The following TOPAZ1 variants were observed in gnomAD, a reference collection of about 807,000 sequenced individuals.
TOPAZ1 encodes the protein protein TOPAZ1.
A neutral mutation model predicts 172.2 loss-of-function variants in TOPAZ1; 66 were observed. The ratio of observed to expected loss-of-function variants is 0.38; its 90% CI spans 0.31 to 0.47. The LOEUF (loss-of-function observed/expected upper bound fraction) is 0.47, where lower values mean the gene tolerates loss of function less well. TOPAZ1 is among the 20% of genes least tolerant of loss of function. The pLI, the probability that TOPAZ1 is intolerant of heterozygous loss-of-function variation, is 0.99. For synonymous variants in TOPAZ1, 681 were observed against 683.9 expected (o/e 1.00, Z 0.07); for missense variants, 1,822 against 1,972.4 (o/e 0.92, Z 1.44).
rs973123095 is a variant in TOPAZ1, at chr3:44,313,711, T to C, written c.4306+3721T>C. On this transcript the variant is annotated intron_variant, in intron 16 of 19. Transcript: ENST00000309765. ...TTCTATACAAACATGTCCTTTTAGG[T>C]ATCACAGGTGCAGATGTTAGTTAAC... is the stretch of plus-strand genomic sequence containing the variant. Among the ~76,000 whole-genome samples, 3 of 152,212 alleles carry C rather than the reference T, an allele frequency of 2.0e-5. No homozygotes were observed. The South Asian group carries it at 6.2e-4, about 32-fold the overall frequency.
chr3:44,307,906 G>A (rs1480559032), intron 15 of TOPAZ1, among the ~76,000 whole-genome samples: 1 of 152,094 alleles, frequency 6.6e-6, no homozygotes, highest in Non-Finnish European at 1.5e-5. Context: ...GCTTAAGGTT[G>A]GTCATAGCAT....
intron 12 of TOPAZ1, among the ~76,000 whole-genome samples, chr3:44,296,847 C>CAAAAAAAAAAAAAAAAAA (rs141080618): frequency 9.5e-6 from 1 of 104,776 alleles, no homozygotes; most frequent in Non-Finnish European, 1.8e-5. Flanking sequence ...CAGAGAATAC[C>CAAAAAAAAAAAAAAAAAA]AAAAAAAAAA....
chr3:44,305,412 C>G (rs1700325177), intron 14 of TOPAZ1, 91 bp downstream of exon 14: 3 of 1,165,348 alleles, frequency 2.6e-6, no homozygotes, highest in African/African-American at 3.2e-5. Flanking sequence ...CTTTGTTACC[C>G]AGGCTGGAGT....
intron 11 of TOPAZ1, among the ~76,000 whole-genome samples, chr3:44,288,974 C>G (rs1401070088): frequency 6.6e-6 from 1 of 152,104 alleles, no homozygotes; most frequent in African/African-American, 2.4e-5. Context: ...AGATGCTTTT[C>G]CTCCTCTTTA....
At chr3:44,329,660 G>T (rs1302246325) in intron 19 of TOPAZ1, among the ~76,000 whole-genome samples, 1 of 152,146 alleles carries the variant, frequency 6.6e-6, no homozygotes, top group Non-Finnish European at 1.5e-5. Context: ...TTCATTATTT[G>T]TGGTACACCA....
intron 9 of TOPAZ1, 110 bp downstream of exon 9, chr3:44,282,141 A>G: frequency 1.5e-6 from 1 of 676,706 alleles, no homozygotes; most frequent in South Asian, 2.2e-5. Flanking sequence ...CTTACCCAAG[A>G]GTAGCTCTGT....
chr3:44,313,840 C>CGGAA (rs1022132147), intron 16 of TOPAZ1, among the ~76,000 whole-genome samples: 2 of 152,050 alleles, frequency 1.3e-5, no homozygotes, highest in African/African-American at 4.8e-5. Context: ...CAGTACATTC[C>CGGAA]ATTCCAGGTC....
In TOPAZ1 at chr3:44,244,749, G is replaced by A. The variant is rs184690990; in HGVS notation, c.2243G>A (p.Arg748Gln). The A allele has an allele frequency of 8.9e-5, 138 of 1,551,496 alleles. 1 individual carries two copies. In the African/African-American group the frequency reaches 1.6e-3, roughly 18 times the overall value. Residue 748 changes from arginine (R) to glutamine (Q), a missense_variant, in exon 2 of 20, where the codon CGA becomes CAA. Arg to Gln is a conservative substitution (Grantham distance 43). Transcript: ENST00000309765. ...TTAGGACCTCAAACTTTGAGCATAC[G>A]AAATAGTGTAACTCCAGTGCAAGCT... ...MMLGPQTLSI[R>Q]NSVTPVQASS...
downstream of TOPAZ1, among the ~76,000 whole-genome samples, chr3:44,333,163 T>G (rs1227749483): frequency 1.3e-5 from 2 of 151,978 alleles, no homozygotes; most frequent in Non-Finnish European, 2.9e-5. Context: ...CAAAATATGG[T>G]AAATAGCAGC....
chr3:44,299,168 A>C (rs1454229123), intron 12 of TOPAZ1, among the ~76,000 whole-genome samples: 1 of 151,156 alleles, frequency 6.6e-6, no homozygotes, highest in Non-Finnish European at 1.5e-5. Flanking sequence ...TGATTCACCC[A>C]CCTCGGCCTC....
chr3:44,284,102 G>A (rs866962475), intron 9 of TOPAZ1, among the ~76,000 whole-genome samples: 3 of 141,980 alleles, frequency 2.1e-5, no homozygotes, highest in African/African-American at 5.0e-5. Flanking sequence ...GACATTTTGG[G>A]AGTATGTATG....
At chr3:44,248,767 A>T (rs1240673760) in intron 2 of TOPAZ1, among the ~76,000 whole-genome samples, 1 of 152,236 alleles carries the variant, frequency 6.6e-6, no homozygotes, top group Non-Finnish European at 1.5e-5. Context: ...TAAAAGTAGA[A>T]GATGAAAGGG....
At chr3:44,331,336 T>C (rs1439489198) in intron 19 of TOPAZ1, among the ~76,000 whole-genome samples, 1 of 3,670 alleles carries the variant, frequency 2.7e-4, no homozygotes, top group East Asian at 7.5e-3. Flanking sequence ...TAATATGTCT[T>C]TTTTTTTTGG....
rs565900571 is a variant in TOPAZ1, at chr3:44,300,190, T to G, written c.3798-3825T>G. Among the ~76,000 whole-genome samples, 11 of 152,152 alleles carry G rather than the reference T, an allele frequency of 7.2e-5. 1 individual carries two copies. In the South Asian group the frequency reaches 2.3e-3, roughly 32 times the overall value. ...GCTTACATCTGTAATCCCAGCACTTTGGGAGGCCGAGGTGGGCAGATCACT... is the reference window on the plus strand; with the variant it reads ...GCTTACATCTGTAATCCCAGCACTTGGGGAGGCCGAGGTGGGCAGATCACT... On this transcript the variant is annotated intron_variant, in intron 12 of 19. Transcript: ENST00000309765.
chr3:44,274,954 G>A (rs1255119972), intron 8 of TOPAZ1, among the ~76,000 whole-genome samples: 1 of 151,434 alleles, frequency 6.6e-6, no homozygotes, highest in Admixed American at 6.6e-5. Context: ...TATTTATGGG[G>A]TATATGTGAT....
intron 18 of TOPAZ1, 73 bp from the exon 19 acceptor site, chr3:44,328,177 G>GT: frequency 1.1e-6 from 1 of 889,866 alleles, no homozygotes; most frequent in Non-Finnish European, 1.6e-6. Context: ...ATTATCGCCT[G>GT]TAGGTATTTC....
chr3:44,253,288 A>G (rs748281741), intron 2 of TOPAZ1, among the ~76,000 whole-genome samples: 12 of 152,224 alleles, frequency 7.9e-5, no homozygotes, highest in Non-Finnish European at 1.3e-4. Context: ...ATTCATGGAA[A>G]GACTTTTAAA....
intron 16 of TOPAZ1, among the ~76,000 whole-genome samples, chr3:44,318,319 G>T (rs1559548085): frequency 3.3e-5 from 5 of 152,260 alleles, no homozygotes; most frequent in Admixed American, 3.3e-4. Flanking sequence ...GGGCGTGGTG[G>T]CAGGCACGTG....
At chr3:44,268,275 T>C (rs2125685559) in intron 6 of TOPAZ1, among the ~76,000 whole-genome samples, 1 of 152,114 alleles carries the variant, frequency 6.6e-6, no homozygotes, top group Non-Finnish European at 1.5e-5. Context: ...GCTCTCTTTC[T>C]GGCTTGCAGA....
Sources: allele counts gnomAD v4.1 joint callset (sites outside exome capture counted in the v4.1 genomes callset), GRCh38; gene constraint gnomAD v4.1.1; transcripts MANE v1.5; gene names NCBI Gene and HGNC (gene_info 2026-07-23, HGNC 2026-07-21).